Variants in DEPDC4 observed in about 807,000 individuals in gnomAD.
DEPDC4 encodes the protein DEP domain containing 4, also known as DEP domain-containing protein 4.
Under a neutral mutation model 52.0 loss-of-function variants are expected in DEPDC4, and 52 were observed. The ratio of observed to expected loss-of-function variants is 1.00; its 90% CI spans 0.80 to 1.26. DEPDC4 has a LOEUF of 1.26. DEPDC4 is among the 50% of genes most tolerant of loss of function. The pLI is 0.00. For missense variants in DEPDC4, 530 were observed against 546.9 expected, an observed-to-expected ratio of 0.97 and a Z score of 0.31; for synonymous variants, 201 against 196.8, an observed-to-expected ratio of 1.02 and a Z score of -0.18.
At chr12:100,231,736 A>C (rs2096135193) in intron 9 of DEPDC4, among the ~76,000 whole-genome samples, 1 of 152,150 alleles carries the variant, frequency 6.6e-6, no homozygotes, top group African/African-American at 2.4e-5. Flanking sequence ...TTTTACTCTG[A>C]ACTTGCACTT....
the DEPDC4 span, among the ~76,000 whole-genome samples, chr12:100,278,589 GTTCTTTGGCATGTGTTGT>G: frequency 2.0e-5 from 3 of 146,954 alleles, no homozygotes; most frequent in Non-Finnish European, 4.5e-5. Flanking sequence ...TCATTCAGTT[GTTCTTTGGCATGTGTTGT>G]TTCTGCCAAA....
In DEPDC4 at chr12:100,241,850, A is replaced by AAG; in HGVS notation, c.*47-6_*47-5insCT. 4.6e-6 allele frequency: 1 copy of AAG among 219,228 alleles called. No individual in the cohort carries two copies. The highest frequency in any genetic ancestry group is 6.1e-6 in the Non-Finnish European group (1 of 164,068). The allele number at this position is 219,228 out of a possible 1,614,324, so 13.6% of individuals were successfully genotyped here. A position where few individuals can be genotyped will look rare whatever the true frequency, so the allele number is the denominator to read the frequency against. On this transcript the variant is annotated splice_polypyrimidine_tract_variant and splice_region_variant and intron_variant, in intron 9 of 9. Transcript: ENST00000550587. ...AGGGTTGGCAAAACGTAAAGCCTGGAAAAAAAAAAAAAAAACAAAAGAAAA... is the reference window on the plus strand; with the variant it reads ...AGGGTTGGCAAAACGTAAAGCCTGGAAGAAAAAAAAAAAAAAACAAAAGAAAA...
chr12:100,255,853 C>A, intron 4 of DEPDC4, 196 bp downstream of exon 4: 1 of 392,616 alleles, frequency 2.5e-6, no homozygotes. Context: ...CGAACCAAAC[C>A]ACTCTGATTT....
chr12:100,267,159 C>T, upstream of DEPDC4: 2 of 1,466,138 alleles, frequency 1.4e-6, no homozygotes, highest in Non-Finnish European at 1.9e-6. Context: ...CGTCATGCCC[C>T]CGGCCGGCAG....
chr12:100,243,271 C>T (rs980582004), intron 8 of DEPDC4, among the ~76,000 whole-genome samples: 14 of 152,086 alleles, frequency 9.2e-5, no homozygotes, highest in African/African-American at 2.7e-4. Context: ...ACCGTCTAAT[C>T]GGTACCACTA....
At chr12:100,259,635 A>C (rs542945692) in intron 3 of DEPDC4, among the ~76,000 whole-genome samples, 1 of 152,346 alleles carries the variant, frequency 6.6e-6, no homozygotes, top group Non-Finnish European at 1.5e-5. Context: ...ATGGGGGCAT[A>C]GGGAAGTATT....
intron 7 of DEPDC4, among the ~76,000 whole-genome samples, chr12:100,250,382 A>AT (rs890773040): frequency 1.1e-4 from 17 of 151,100 alleles, no homozygotes; most frequent in South Asian, 8.4e-4. Flanking sequence ...TGCCTGGCTA[A>AT]TTTTTTTTTG....
chr12:100,256,318 CAAAAGT>C (rs1401511819), intron 3 of DEPDC4, 92 bp from the exon 4 acceptor site: 2 of 941,880 alleles, frequency 2.1e-6, no homozygotes, highest in Admixed American at 2.7e-5. Flanking sequence ...CTAAATAATA[CAAAAGT>C]AAAACTAGTT....
chr12:100,273,038 T>G, the DEPDC4 span, among the ~76,000 whole-genome samples: 1 of 152,178 alleles, frequency 6.6e-6, no homozygotes, highest in Non-Finnish European at 1.5e-5. Flanking sequence ...ATTGAAGTTC[T>G]CTTCAGTCTT....
downstream of DEPDC4, among the ~76,000 whole-genome samples, chr12:100,236,822 A>G (rs1376943449): frequency 6.6e-6 from 1 of 152,132 alleles, no homozygotes; most frequent in African/African-American, 2.4e-5. Context: ...CAGTTCTTAG[A>G]TTTAAGTCCT....
intron 7 of DEPDC4, 54 bp downstream of exon 7, chr12:100,252,122 G>A (rs2096210594): frequency 9.0e-7 from 1 of 1,113,168 alleles, no homozygotes; most frequent in Admixed American, 5.1e-5. Flanking sequence ...TTGCTTTTCT[G>A]CTTGACACAA....
rs140580015 is a variant in DEPDC4 at position 100,234,934 on chromosome 12, T to C, written c.*699+3034A>G. On this transcript the variant is annotated intron_variant and NMD_transcript_variant, in intron 9 of 10. Coordinates refer to the DEPDC4 transcript ENST00000378244. ...CAATGCTTGGTTAGAAATTTCCCTTTGGAAATTAATGCCTCAGAACCTTCA... is the reference window on the plus strand; with the variant it reads ...CAATGCTTGGTTAGAAATTTCCCTTCGGAAATTAATGCCTCAGAACCTTCA... Among the ~76,000 whole-genome samples, 121 of 152,292 alleles carry C rather than the reference T, an allele frequency of 7.9e-4. 1 individual carries two copies. The East Asian group carries it at 0.02, about 25-fold the overall frequency.
At chr12:100,248,105 A>C (rs748713990) in intron 8 of DEPDC4, among the ~76,000 whole-genome samples, 5 of 152,172 alleles carry the variant, frequency 3.3e-5, no homozygotes, top group Non-Finnish European at 7.4e-5. Flanking sequence ...TCTGACACAT[A>C]GTAGGGCTCA....
In DEPDC4 at chr12:100,257,944, G is replaced by A. The variant is rs188166647; in HGVS notation, c.701-1718C>T. Among the ~76,000 whole-genome samples, 35 of 151,894 alleles carry A rather than the reference G, an allele frequency of 2.3e-4. No homozygotes were observed. In the East Asian group the frequency reaches 5.3e-3, roughly 23 times the overall value. The stretch of plus-strand genomic sequence containing the variant: ...TTGAAGAAAATTAATGTATAAAAAC[G>A]GGAGATTTCATGTGAAATTCTAAAA... On this transcript the variant is annotated intron_variant, in intron 3 of 9. Coordinates refer to ENST00000550587, the MANE Select transcript of DEPDC4 (RefSeq NM_001364818.2).
chr12:100,252,437 A>G lies in DEPDC4; in HGVS notation c.1205T>C (p.Met402Thr), dbSNP rs537304508. The change falls in exon 6 of 10, where the codon ATG (methionine) becomes ACG (threonine). Residue 402 changes from methionine to threonine, a missense_variant. Met to Thr is a moderately conservative substitution (Grantham distance 81, BLOSUM62 -1). Coordinates refer to ENST00000550587, the MANE Select transcript of DEPDC4 (RefSeq NM_001364818.2). ...GGCATTGGGCTCTGATGCCATTGCC[A>G]TAAAAGTAAGTAGCCGTCGTAATTC... is the stretch of plus-strand genomic sequence containing the variant. ...REELRRLLTF[M>T]AMASEPNAYK... The G allele has an allele frequency of 3.0e-5, 48 of 1,600,240 alleles. No individual in the cohort carries two copies. In the African/African-American group the frequency reaches 5.7e-4, roughly 19 times the overall value.
chr12:100,248,989 C>G lies in DEPDC4; in HGVS notation c.1375-11G>C. 1 of 962,048 alleles carries G rather than the reference C, an allele frequency of 1.0e-6. No homozygotes were observed. The highest frequency in any genetic ancestry group is 1.2e-6 in the Non-Finnish European group (1 of 808,396). The allele number at this position is 962,048 out of a possible 1,614,324, so 59.6% of individuals were successfully genotyped here. ...TAAAGTAACTGGTGTCTACACAAAA[C>G]AGGTATTTTCAAAATATTTAATATG... On this transcript the variant is annotated splice_polypyrimidine_tract_variant and intron_variant, in intron 7 of 9. Transcript: ENST00000550587.
At chr12:100,272,612 C>T in the DEPDC4 span, among the ~76,000 whole-genome samples, 8 of 152,282 alleles carry the variant, frequency 5.3e-5, no homozygotes, top group South Asian at 1.7e-3. Context: ...AGCTCAAATT[C>T]TACATGTCCA....
At position 100,252,256 on chromosome 12, in the gene DEPDC4, A is replaced by G. The variant is rs571349031; in HGVS notation, c.1294T>C (p.Leu432=). The change falls in exon 7 of 10, where the codon TTG becomes CTG. Residue 432 remains leucine (L), a synonymous_variant. Transcript: ENST00000550587. ...VVLKTLAKSV[L]QAKSLLKVRA... ...ACTTTTAATAATGATTTGGCTTGCA[A>G]AACTGATTTGGCAAGAGTTTTCAGG... 1 of 1,392,688 alleles carries G rather than the reference A, an allele frequency of 7.2e-7. No individual in the cohort carries two copies. Among genetic ancestry groups the G allele is most frequent in the South Asian group, 1.4e-5 (1 of 71,076 alleles). 86.3% of individuals were successfully genotyped at this position (1,392,688 alleles called of 1,614,324 possible).
chr12:100,241,849 G>GAAAAAAAAAAAAAAAAACAAAAAA lies in DEPDC4; in HGVS notation c.*47-5_*47-4insTTTTTTGTTTTTTTTTTTTTTTTT. The GAAAAAAAAAAAAAAAAACAAAAAA allele has an allele frequency of 9.8e-7, 1 of 1,018,648 alleles. No individual in the cohort carries two copies. The allele number at this position is 1,018,648 out of a possible 1,614,324, so 63.1% of individuals were successfully genotyped here. A position where few individuals can be genotyped will look rare whatever the true frequency, so the allele number is the denominator to read the frequency against. On this transcript the variant is annotated splice_polypyrimidine_tract_variant and splice_region_variant and intron_variant, in intron 9 of 9. Coordinates refer to ENST00000550587, the MANE Select transcript of DEPDC4 (RefSeq NM_001364818.2). ...AAGGGTTGGCAAAACGTAAAGCCTG[G>GAAAAAAAAAAAAAAAAACAAAAAA]AAAAAAAAAAAAAAAACAAAAGAAA...
Sources: gnomAD v4.1 joint callset for allele counts (sites outside exome capture counted in the v4.1 genomes callset) on GRCh38, gnomAD v4.1.1 for gene constraint, MANE v1.5 for transcripts, NCBI Gene and HGNC (gene_info 2026-07-23, HGNC 2026-07-21) for gene names.